Variants in PCDH7 observed in about 807,000 individuals in gnomAD.
PCDH7 encodes the protein protocadherin-7.
Under a neutral mutation model 58.9 loss-of-function variants are expected in PCDH7, and 17 were observed. The ratio of observed to expected loss-of-function variants is 0.29; its 90% CI spans 0.20 to 0.43. The LOEUF is 0.43. PCDH7 is among the 20% of genes least tolerant of loss of function. The pLI, the probability that PCDH7 is intolerant of heterozygous loss-of-function variation, is 1.00. For synonymous variants in PCDH7, 664 were observed against 616.4 expected (o/e 1.08, Z -1.14); for missense variants, 1,274 against 1,441.0 (o/e 0.88, Z 1.88).
At chr4:31,053,940 A>G (rs978951873) in intron 3 of PCDH7, among the ~76,000 whole-genome samples, 8 of 152,160 alleles carry the variant, frequency 5.3e-5, no homozygotes, top group African/African-American at 1.9e-4. Flanking sequence ...GATAATACAT[A>G]CACCTGGACC....
chr4:31,127,637 T>C (rs1718456788), intron 3 of PCDH7, among the ~76,000 whole-genome samples: 2 of 152,088 alleles, frequency 1.3e-5, no homozygotes, highest in Admixed American at 1.3e-4. Flanking sequence ...ATTCAGAATA[T>C]CTCAAGGTAA....
chr4:30,862,433 G>C lies in PCDH7; in HGVS notation c.71-57720G>C, dbSNP rs139786337. Among the ~76,000 whole-genome samples the C allele has an allele frequency of 3.2e-3, 480 of 152,220 alleles. 3 individuals carry two copies. Among genetic ancestry groups the C allele is most frequent in the African/African-American group, 9.1e-3 (379 of 41,558 alleles). On this transcript the variant is annotated intron_variant, in intron 1 of 3. Coordinates refer to the PCDH7 transcript ENST00000509759. The stretch of plus-strand genomic sequence containing the variant: ...TGTAGAACATCATGCTGAGAACTTG[G>C]GGAATCCCTATTCATATATGCAGAG...
At chr4:30,856,243 G>T (rs542859237) in intron 1 of PCDH7, among the ~76,000 whole-genome samples, 7 of 151,448 alleles carry the variant, frequency 4.6e-5, no homozygotes, top group African/African-American at 1.7e-4. Context: ...TTCTATCTTT[G>T]CTAAGTCACT....
At chr4:31,103,328 CT>C (rs1715135627) in intron 3 of PCDH7, among the ~76,000 whole-genome samples, 1 of 151,738 alleles carries the variant, frequency 6.6e-6, no homozygotes, top group Non-Finnish European at 1.5e-5. Context: ...TTCCCAATTT[CT>C]TTTCTTTTCT....
At chr4:30,828,197 A>T (rs1349596252) in intron 1 of PCDH7, among the ~76,000 whole-genome samples, 2 of 152,064 alleles carry the variant, frequency 1.3e-5, no homozygotes, top group Non-Finnish European at 2.9e-5. Context: ...TTGATGTATA[A>T]AAAGTATTTC....
At chr4:30,830,004 C>A (rs201187193) in intron 1 of PCDH7, among the ~76,000 whole-genome samples, 1 of 152,030 alleles carries the variant, frequency 6.6e-6, no homozygotes, top group South Asian at 2.1e-4. Flanking sequence ...GTTTCATGCA[C>A]GTTAATTTTT....
intron 1 of PCDH7, among the ~76,000 whole-genome samples, chr4:30,779,010 T>TTTG (rs1276414190): frequency 7.1e-6 from 1 of 140,760 alleles, no homozygotes; most frequent in East Asian, 2.0e-4. Flanking sequence ...TCCGTTTTTT[T>TTTG]TTTTTTTTTT....
rs181645378 is a variant in PCDH7, at chr4:30,756,511, C to T, written c.70+31915C>T. On this transcript the variant is annotated intron_variant, in intron 1 of 3. Coordinates refer to the PCDH7 transcript ENST00000509759. ...AATCCTTAATGTCTGATGCTAGAGA[C>T]CTTGGTCTCAACCATTACATTGTGC... Among the ~76,000 whole-genome samples the T allele has an allele frequency of 7.9e-5, 12 of 152,302 alleles. No homozygotes were observed. In the East Asian group the frequency reaches 2.3e-3, roughly 29 times the overall value.
intron 3 of PCDH7, among the ~76,000 whole-genome samples, chr4:31,024,960 C>G (rs1212116483): frequency 2.6e-5 from 4 of 152,144 alleles, no homozygotes; most frequent in African/African-American, 4.8e-5. Context: ...TTAGGGTGGT[C>G]TCGAACTCCT....
At chr4:30,753,499 C>T (rs1311255561) in intron 1 of PCDH7, among the ~76,000 whole-genome samples, 1 of 152,170 alleles carries the variant, frequency 6.6e-6, no homozygotes, top group Non-Finnish European at 1.5e-5. Flanking sequence ...ATTTCTTAGG[C>T]AGGCACTTAG....
chr4:30,823,674 GA>G (rs1728653922), intron 1 of PCDH7, among the ~76,000 whole-genome samples: 2 of 152,170 alleles, frequency 1.3e-5, no homozygotes, highest in African/African-American at 4.8e-5. Flanking sequence ...TCATATTATG[GA>G]AACACCTGGT....
At chr4:31,008,179 T>C (rs774796861) in intron 3 of PCDH7, among the ~76,000 whole-genome samples, 43 of 151,910 alleles carry the variant, frequency 2.8e-4, no homozygotes, top group Non-Finnish European at 5.4e-4. Flanking sequence ...GAAAAAAAAA[T>C]GAAATCAAGT....
intron 1 of PCDH7, among the ~76,000 whole-genome samples, chr4:30,882,981 G>A (rs1451394776): frequency 6.6e-6 from 1 of 152,154 alleles, no homozygotes; most frequent in Non-Finnish European, 1.5e-5. Context: ...TCAAAGAGCG[G>A]CAATTTCCCT....
intron 2 of PCDH7, among the ~76,000 whole-genome samples, chr4:30,945,901 A>G (rs1578379357): frequency 6.6e-6 from 1 of 151,948 alleles, no homozygotes; most frequent in African/African-American, 2.4e-5. Flanking sequence ...ACCTCTCCAC[A>G]CTCCAGCCCT....
intron 3 of PCDH7, among the ~76,000 whole-genome samples, chr4:31,078,003 G>A (rs181073204): frequency 6.6e-6 from 1 of 152,100 alleles, no homozygotes; most frequent in Non-Finnish European, 1.5e-5. Flanking sequence ...CTCAGGATTC[G>A]ATGTGAGCCA....
intron 3 of PCDH7, among the ~76,000 whole-genome samples, chr4:31,088,850 A>C (rs1428596548): frequency 2.0e-5 from 3 of 152,094 alleles, no homozygotes; most frequent in Admixed American, 6.6e-5. Context: ...AGTAGAGTGT[A>C]ATAAAAGCTC....
intron 3 of PCDH7, among the ~76,000 whole-genome samples, chr4:31,128,517 G>A (rs989479529): frequency 1.3e-5 from 2 of 152,120 alleles, no homozygotes; most frequent in African/African-American, 4.8e-5. Context: ...TATGGAATGA[G>A]CTGTGCATGA....
intron 3 of PCDH7, among the ~76,000 whole-genome samples, chr4:30,966,842 A>G (rs1578437920): frequency 6.6e-6 from 1 of 152,284 alleles, no homozygotes; most frequent in Middle Eastern, 3.4e-3. Context: ...ACAAAATCCT[A>G]TTATTCTTGT....
intron 3 of PCDH7, among the ~76,000 whole-genome samples, chr4:31,013,490 T>G (rs1753363211): frequency 6.6e-6 from 1 of 150,428 alleles, no homozygotes; most frequent in African/African-American, 2.4e-5. Context: ...ATATAATATG[T>G]GTGTGTATGC....
Sources: gnomAD v4.1 joint callset for allele counts (sites outside exome capture counted in the v4.1 genomes callset) on GRCh38, gnomAD v4.1.1 for gene constraint, MANE v1.5 for transcripts, NCBI Gene and HGNC (gene_info 2026-07-23, HGNC 2026-07-21) for gene names.